The following SUGCT variants were observed in gnomAD, a reference collection of about 807,000 sequenced individuals.
SUGCT encodes succinyl-CoA:glutarate-CoA transferase.
A neutral mutation model predicts 55.0 loss-of-function variants in SUGCT; 41 were observed. The ratio of observed to expected loss-of-function variants is 0.74; its 90% CI spans 0.58 to 0.97. The LOEUF (loss-of-function observed/expected upper bound fraction) is 0.97. SUGCT is among the 50% of genes least tolerant of loss of function. The pLI, the probability that SUGCT is intolerant of heterozygous loss-of-function variation, is 0.00. For missense variants in SUGCT, 568 were observed against 547.8 expected (o/e 1.04, Z -0.37); for synonymous variants, 187 against 200.4 (o/e 0.93, Z 0.56).
rs141345020 is a variant in SUGCT at position 40,226,352 on chromosome 7, A to G, written c.485-11283A>G. Reference sequence around the variant, plus strand: ...TTGTGGCAAAACTTCTTTCCAAGTAATGGGAAGGTTTTTCACCAGGTCAAT... The same window carrying G: ...TTGTGGCAAAACTTCTTTCCAAGTAGTGGGAAGGTTTTTCACCAGGTCAAT... On this transcript the variant is annotated intron_variant, in intron 6 of 13. Coordinates refer to ENST00000335693, the MANE Select transcript of SUGCT (RefSeq NM_001193313.2). Among the ~76,000 whole-genome samples, 672 of 152,330 alleles carry G rather than the reference A, an allele frequency of 4.4e-3. 5 individuals are homozygous for G. The highest frequency in any genetic ancestry group is 0.015 in the African/African-American group (621 of 41,572).
chr7:40,984,902 G>T, the SUGCT span, among the ~76,000 whole-genome samples: 1 of 152,160 alleles, frequency 6.6e-6, no homozygotes, highest in South Asian at 2.1e-4. Flanking sequence ...CTCCAGAAGT[G>T]GCTGCCAAAC....
At chr7:40,856,732 A>C (rs1003408749) in intron 13 of SUGCT, among the ~76,000 whole-genome samples, 3 of 152,218 alleles carry the variant, frequency 2.0e-5, no homozygotes, top group Non-Finnish European at 4.4e-5. Flanking sequence ...AATTATGTCC[A>C]TAGGAAAAAA....
rs1179385862 is a variant in SUGCT, at chr7:40,164,613, G to C, written c.101-16334G>C. 2.6e-5 allele frequency among the ~76,000 whole-genome samples: 4 copies of C among 152,186 alleles called. No homozygotes were observed. The East Asian group carries it at 7.7e-4, about 29-fold the overall frequency. ...TTTTTATTATGCATAAACATTTGATGCTGAAAATTCATGTCCCCTCTGCCT... is the reference window on the plus strand; with the variant it reads ...TTTTTATTATGCATAAACATTTGATCCTGAAAATTCATGTCCCCTCTGCCT... On this transcript the variant is annotated intron_variant, in intron 1 of 13. Coordinates refer to ENST00000335693, the MANE Select transcript of SUGCT (RefSeq NM_001193313.2).
chr7:40,585,270 A>G (rs1343292408), intron 12 of SUGCT, among the ~76,000 whole-genome samples: 2 of 152,180 alleles, frequency 1.3e-5, no homozygotes, highest in Non-Finnish European at 2.9e-5. Flanking sequence ...GGTGGGTGAT[A>G]TAGTATCTGG....
At chr7:40,364,795 A>G (rs1783839778) in intron 9 of SUGCT, among the ~76,000 whole-genome samples, 2 of 152,250 alleles carry the variant, frequency 1.3e-5, no homozygotes, top group East Asian at 1.9e-4. Context: ...AAAAGAGTCC[A>G]GGACCAGATG....
At chr7:40,648,793 G>A (rs1413260080) in intron 12 of SUGCT, among the ~76,000 whole-genome samples, 2 of 152,168 alleles carry the variant, frequency 1.3e-5, no homozygotes, top group Admixed American at 1.3e-4. Context: ...AACTACCAGG[G>A]GCTAGAAAGA....
At chr7:40,640,437 T>A (rs1405398571) in intron 12 of SUGCT, among the ~76,000 whole-genome samples, 1 of 151,874 alleles carries the variant, frequency 6.6e-6, no homozygotes, top group Non-Finnish European at 1.5e-5. Flanking sequence ...CAACAAGCAT[T>A]CTTATCTAAA....
At chr7:40,587,543 A>G (rs190873186) in intron 12 of SUGCT, among the ~76,000 whole-genome samples, 269 of 152,314 alleles carry the variant, frequency 1.8e-3, no homozygotes, top group Non-Finnish European at 3.0e-3. Context: ...AAGCAGTTAA[A>G]TTTGCATTTA....
chr7:40,601,339 G>A (rs1798277834), intron 12 of SUGCT, among the ~76,000 whole-genome samples: 1 of 152,142 alleles, frequency 6.6e-6, no homozygotes, highest in Admixed American at 6.5e-5. Context: ...GAGAGATCTG[G>A]GATCTGCAGA....
intron 12 of SUGCT, among the ~76,000 whole-genome samples, chr7:40,522,229 G>C (rs1793569619): frequency 6.6e-6 from 1 of 152,060 alleles, no homozygotes; most frequent in Non-Finnish European, 1.5e-5. Context: ...ATTCAAACTT[G>C]TAGTTTCTCT....
At chr7:40,499,050 G>A in intron 12 of SUGCT, 1 of 456,644 alleles carries the variant, frequency 2.2e-6, no homozygotes, top group Non-Finnish European at 4.4e-6. Context: ...ATGAGCTGCA[G>A]AGTTTCTTGG....
rs1562728456 is a variant in SUGCT at position 40,377,186 on chromosome 7, CTTT to C, written c.816+60332_816+60334del. 4.8e-3 allele frequency among the ~76,000 whole-genome samples: 65 copies of C among 13,552 alleles called. 19 individuals carry two copies. The South Asian group carries it at 0.06, about 13-fold the overall frequency. The allele number at this position is 13,552 out of a possible 152,430, so 8.9% of individuals were successfully genotyped here. A position where few individuals can be genotyped will look rare whatever the true frequency, so the allele number is the denominator to read the frequency against. ...TCTTTCTTTCTTTCTTTCTTTCTTT[CTTT>C]CTTTCTTTCTTTTCTTTTCTTTTCT... On this transcript the variant is annotated intron_variant, in intron 9 of 13. Transcript: ENST00000335693.
intron 7 of SUGCT, among the ~76,000 whole-genome samples, chr7:40,250,993 C>T (rs894387590): frequency 6.8e-5 from 10 of 146,994 alleles, no homozygotes; most frequent in Admixed American, 3.5e-4. Flanking sequence ...CCTGCCACTG[C>T]GCCTAATTTT....
At chr7:40,827,708 C>T (rs775613451) in intron 13 of SUGCT, among the ~76,000 whole-genome samples, 6 of 152,124 alleles carry the variant, frequency 3.9e-5, no homozygotes, top group Non-Finnish European at 5.9e-5. Flanking sequence ...ATCTGCAACT[C>T]GTTTGCCCAT....
intron 12 of SUGCT, among the ~76,000 whole-genome samples, chr7:40,646,077 T>C (rs1211207338): frequency 1.3e-5 from 2 of 152,180 alleles, no homozygotes; most frequent in Non-Finnish European, 2.9e-5. Flanking sequence ...TCTATCCTTA[T>C]CTCAATGAAT....
intron 9 of SUGCT, among the ~76,000 whole-genome samples, chr7:40,347,678 G>C (rs1797390174): frequency 1.3e-5 from 2 of 152,164 alleles, no homozygotes; most frequent in Admixed American, 6.5e-5. Flanking sequence ...TAGTTTATGT[G>C]CCATCTTTCC....
chr7:40,429,684 G>C (rs1787790740), intron 9 of SUGCT, among the ~76,000 whole-genome samples: 1 of 152,158 alleles, frequency 6.6e-6, no homozygotes, highest in African/African-American at 2.4e-5. Flanking sequence ...CAGCTGATTA[G>C]ATGGTGCACA....
intron 1 of SUGCT, among the ~76,000 whole-genome samples, chr7:40,176,397 A>G (rs1784924180): frequency 6.6e-6 from 1 of 152,172 alleles, no homozygotes; most frequent in Non-Finnish European, 1.5e-5. Flanking sequence ...GATACACAGA[A>G]TGATACTTCA....
chr7:40,339,062 A>G (rs1338933749), intron 9 of SUGCT, among the ~76,000 whole-genome samples: 1 of 152,176 alleles, frequency 6.6e-6, no homozygotes, highest in Non-Finnish European at 1.5e-5. Flanking sequence ...CAGAACAGTG[A>G]ACATTGCTGA....
Sources: gnomAD v4.1 joint callset for allele counts (sites outside exome capture counted in the v4.1 genomes callset) on GRCh38, gnomAD v4.1.1 for gene constraint, MANE v1.5 for transcripts, NCBI Gene and HGNC (gene_info 2026-07-23, HGNC 2026-07-21) for gene names.